The following NIM1K variants were observed in gnomAD, a reference collection of about 807,000 sequenced individuals.
NIM1K encodes the protein serine/threonine-protein kinase NIM1.
Under a neutral mutation model 37.1 loss-of-function variants are expected in NIM1K, and 35 were observed. That is an observed-to-expected ratio of 0.94 (90% CI 0.72 to 1.25). The LOEUF is 1.25. NIM1K is among the 50% of genes most tolerant of loss of function. The pLI, the probability that NIM1K is intolerant of heterozygous loss-of-function variation, is 0.00. For missense variants in NIM1K, 564 were observed against 548.0 expected, an observed-to-expected ratio of 1.03 and a Z score of -0.29; for synonymous variants, 234 against 206.6, an observed-to-expected ratio of 1.13 and a Z score of -1.14.
chr5:43,268,955 T>G (rs781297148), intron 2 of NIM1K, among the ~76,000 whole-genome samples: 50 of 151,846 alleles, frequency 3.3e-4, no homozygotes, highest in Non-Finnish European at 5.4e-4. Context: ...ATGACCTTCT[T>G]TGTCTTTTTC....
At chr5:43,196,183 CTG>C (rs1223404882) in intron 1 of NIM1K, among the ~76,000 whole-genome samples, 1 of 152,158 alleles carries the variant, frequency 6.6e-6, no homozygotes, top group Non-Finnish European at 1.5e-5. Context: ...AAGAAGCTTT[CTG>C]TGTCTCTATT....
At chr5:43,206,273 C>CCTGA (rs1752109186) in intron 1 of NIM1K, among the ~76,000 whole-genome samples, 1 of 151,812 alleles carries the variant, frequency 6.6e-6, no homozygotes, top group South Asian at 2.1e-4. Flanking sequence ...GTAGTCCCAT[C>CCTGA]ACTTTGGGAG....
At position 43,257,362 on chromosome 5, in the gene NIM1K, C is replaced by CT. The variant is rs36108441; in HGVS notation, c.292+11318dup. Among the ~76,000 whole-genome samples, 169 of 58,588 alleles carry CT rather than the reference C, an allele frequency of 2.9e-3. 3 individuals are homozygous for CT. The highest frequency in any genetic ancestry group is 0.016 in the East Asian group (40 of 2,474). 38.4% of individuals were successfully genotyped at this position (58,588 alleles called of 152,430 possible). A position where few individuals can be genotyped will look rare whatever the true frequency, so the allele number is the denominator to read the frequency against. Reference sequence around the variant, plus strand: ...GAGAATTAAAGACAGTAAAGTGACTCTTTTTTTTTTTTTTTTTTTTTTTGA... The same window carrying CT: ...GAGAATTAAAGACAGTAAAGTGACTCTTTTTTTTTTTTTTTTTTTTTTTTGA... On this transcript the variant is annotated intron_variant, in intron 2 of 3. Coordinates refer to ENST00000326035, the MANE Select transcript of NIM1K (RefSeq NM_153361.4).
intron 1 of NIM1K, chr5:43,231,880 T>C: frequency 8.6e-7 from 1 of 1,163,916 alleles, no homozygotes; most frequent in Non-Finnish European, 1.2e-6. Context: ...TTATAATCCT[T>C]CTCAAGGGCA....
intron 1 of NIM1K, among the ~76,000 whole-genome samples, chr5:43,206,238 C>T (rs114255739): frequency 6.6e-6 from 1 of 151,920 alleles, no homozygotes; most frequent in African/African-American, 2.4e-5. Flanking sequence ...AAGAAAATAC[C>T]GCCGGGCGGG....
chr5:43,212,265 G>A (rs1752216018), intron 1 of NIM1K, among the ~76,000 whole-genome samples: 1 of 151,932 alleles, frequency 6.6e-6, no homozygotes, highest in Non-Finnish European at 1.5e-5. Flanking sequence ...CTTGGCCAAC[G>A]GATCGCACAT....
chr5:43,237,697 G>GA (rs547343982), intron 1 of NIM1K, among the ~76,000 whole-genome samples: 1 of 152,004 alleles, frequency 6.6e-6, no homozygotes, highest in South Asian at 2.1e-4. Context: ...AAATTTCTGG[G>GA]AAAAAATTAT....
chr5:43,206,026 A>G (rs1480426210), intron 1 of NIM1K, among the ~76,000 whole-genome samples: 2 of 151,964 alleles, frequency 1.3e-5, no homozygotes, highest in African/African-American at 4.8e-5. Context: ...TGTTTTTACT[A>G]CTACTATTTA....
At chr5:43,215,164 C>T (rs1752281994) in intron 1 of NIM1K, among the ~76,000 whole-genome samples, 2 of 152,140 alleles carry the variant, frequency 1.3e-5, no homozygotes, top group African/African-American at 4.8e-5. Context: ...CCAAAAATAC[C>T]GGGTCAATTA....
At chr5:43,267,192 T>C (rs1444801619) in intron 2 of NIM1K, among the ~76,000 whole-genome samples, 2 of 152,228 alleles carry the variant, frequency 1.3e-5, no homozygotes, top group African/African-American at 4.8e-5. Context: ...TCTGGGATGG[T>C]TGTAAATTTC....
chr5:43,230,663 C>G (rs1442517477), intron 1 of NIM1K, among the ~76,000 whole-genome samples: 1 of 152,204 alleles, frequency 6.6e-6, no homozygotes, highest in African/African-American at 2.4e-5. Context: ...AGGGCCTAGA[C>G]TTCTGCATTT....
chr5:43,202,772 T>C (rs1752049244), intron 1 of NIM1K, among the ~76,000 whole-genome samples: 1 of 126,396 alleles, frequency 7.9e-6, no homozygotes. Context: ...GCTGGAACGG[T>C]CAGAAGGAGG....
At chr5:43,242,380 T>C (rs1385540061) in intron 1 of NIM1K, among the ~76,000 whole-genome samples, 1 of 148,436 alleles carries the variant, frequency 6.7e-6, no homozygotes, top group East Asian at 2.0e-4. Context: ...GGGCAGGAGA[T>C]GGAGGGGAGC....
Position 43,213,187 on chromosome 5 carries a change from TTC to T in NIM1K, c.-695+20778_-695+20779del, listed in dbSNP as rs1561074711. 1.0e-3 allele frequency among the ~76,000 whole-genome samples: 71 copies of T among 70,712 alleles called. 4 individuals carry two copies. The highest frequency in any genetic ancestry group is 2.6e-3 in the African/African-American group (57 of 21,744). The allele number at this position is 70,712 out of a possible 152,430, so 46.4% of individuals were successfully genotyped here. On this transcript the variant is annotated intron_variant, in intron 1 of 3. Coordinates refer to ENST00000326035, the MANE Select transcript of NIM1K (RefSeq NM_153361.4). ...TTTTTTTCTTTCTTTCTTTCTTTCT[TTC>T]TTTCTTTCTTTCTTTCTTTCTTTCT...
intron 1 of NIM1K, among the ~76,000 whole-genome samples, chr5:43,226,954 T>G (rs1247880271): frequency 6.6e-6 from 1 of 152,110 alleles, no homozygotes; most frequent in Non-Finnish European, 1.5e-5. Flanking sequence ...GTCCTCACAG[T>G]ATGGGGATGA....
chr5:43,240,636 T>TG (rs1439816426), intron 1 of NIM1K, among the ~76,000 whole-genome samples: 1 of 151,194 alleles, frequency 6.6e-6, no homozygotes, highest in Non-Finnish European at 1.5e-5. Flanking sequence ...CTCCGCCTCC[T>TG]GGGCTCAAGC....
In NIM1K at chr5:43,277,361, T is replaced by A. The variant is rs562734046; in HGVS notation, c.561+36T>A. On this transcript the variant is annotated intron_variant, in intron 3 of 3. Coordinates refer to ENST00000326035, the MANE Select transcript of NIM1K (RefSeq NM_153361.4). ...GTGACGAGTGAGAACCTTGCTCCCATTGCACTGACACTGGGAGCACAGGGC... is the reference window on the plus strand; with the variant it reads ...GTGACGAGTGAGAACCTTGCTCCCAATGCACTGACACTGGGAGCACAGGGC... 4.4e-6 allele frequency: 7 copies of A among 1,594,170 alleles called. No individual in the cohort carries two copies. The South Asian group carries it at 6.9e-5, about 16-fold the overall frequency.
At chr5:43,209,912 G>A (rs1028622726) in intron 1 of NIM1K, among the ~76,000 whole-genome samples, 7 of 152,138 alleles carry the variant, frequency 4.6e-5, no homozygotes, top group African/African-American at 1.4e-4. Context: ...ACCACACCCG[G>A]CCCCGTGCTA....
intron 2 of NIM1K, among the ~76,000 whole-genome samples, chr5:43,252,569 A>T (rs1235876511): frequency 1.7e-4 from 2 of 11,434 alleles, no homozygotes; most frequent in Non-Finnish European, 4.8e-4. Flanking sequence ...GTAGTCTAAA[A>T]AATTGAAAAA....
Sources: gnomAD v4.1 joint callset for allele counts (sites outside exome capture counted in the v4.1 genomes callset) on GRCh38, gnomAD v4.1.1 for gene constraint, MANE v1.5 for transcripts, NCBI Gene and HGNC (gene_info 2026-07-23, HGNC 2026-07-21) for gene names.